Variants in SLFN12L observed in about 807,000 individuals in gnomAD.
SLFN12L encodes schlafen family member 12 like, also known as schlafen family member 12-like.
SLFN12L carries 34 observed loss-of-function variants against 34.8 expected under a neutral mutation model. The observed-to-expected ratio is 0.98, with a 90% CI of 0.74 to 1.30. The LOEUF (loss-of-function observed/expected upper bound fraction) is 1.30. SLFN12L is among the 50% of genes most tolerant of loss of function. The pLI is 0.00. For missense variants in SLFN12L, 703 were observed against 696.2 expected (o/e 1.01, Z -0.11); for synonymous variants, 259 against 247.5 (o/e 1.05, Z -0.44).
In SLFN12L at chr17:35,534,256, G is replaced by A. The variant is rs533200094; in HGVS notation, c.-606+3317C>T. Among the ~76,000 whole-genome samples the A allele has an allele frequency of 8.5e-5, 13 of 152,276 alleles. 1 individual carries two copies. The highest frequency in any genetic ancestry group is 3.1e-4 in the African/African-American group (13 of 41,540). ...ACATGCCTGCAGTCCCAGCTACTCG[G>A]GAGGCTGAGGCAGGAGAATCTCTTG... is the stretch of plus-strand genomic sequence containing the variant. On this transcript the variant is annotated intron_variant, in intron 1 of 4. Coordinates refer to ENST00000628453, the MANE Select transcript of SLFN12L (RefSeq NM_001363830.2).
intron 2 of SLFN12L, among the ~76,000 whole-genome samples, chr17:35,503,409 C>T (rs73281461): frequency 0.018 from 2,707 of 151,846 alleles, 91 homozygotes; most frequent in African/African-American, 0.062. Context: ...CCTAATGGTC[C>T]GACATTAAAA....
chr17:35,509,550 G>C (rs1031430267), intron 2 of SLFN12L, among the ~76,000 whole-genome samples: 6 of 152,216 alleles, frequency 3.9e-5, no homozygotes, highest in African/African-American at 1.4e-4. Flanking sequence ...TGAGCATTTG[G>C]GGGGAAAGCC....
chr17:35,475,087 C>T lies in SLFN12L; in HGVS notation c.1675G>A (p.Val559Ile). The T allele has an allele frequency of 6.2e-7, 1 of 1,614,076 alleles. No individual in the cohort carries two copies. The highest frequency in any genetic ancestry group is 1.1e-5 in the South Asian group (1 of 91,084). The change falls in exon 5 of 5, where the codon GTA becomes ATA. Residue 559 changes from valine to isoleucine, a missense_variant. Val to Ile is a conservative substitution (Grantham distance 29, BLOSUM62 3). Coordinates refer to ENST00000628453, the MANE Select transcript of SLFN12L (RefSeq NM_001363830.2). ...TSCQYDLNSQ[V>I]IYPESYYWTT... The stretch of plus-strand genomic sequence containing the variant: ...CAATAGTAGGATTCAGGGTAAATTA[C>T]TTGCGAGTTTAAATCATACTGGCAG...
At chr17:35,498,170 G>A (rs1215304597) in intron 2 of SLFN12L, 1 of 664,938 alleles carries the variant, frequency 1.5e-6, no homozygotes, top group East Asian at 2.7e-5. Context: ...ATCTCGATCC[G>A]GGAGGCGGCG....
chr17:35,520,572 C>T (rs527333755), intron 2 of SLFN12L, among the ~76,000 whole-genome samples: 5 of 152,068 alleles, frequency 3.3e-5, no homozygotes, highest in African/African-American at 9.7e-5. Context: ...TGGCAAAACC[C>T]GTACTCTATT....
rs1021011456 is a variant in SLFN12L, at chr17:35,475,280, C to T, written c.1482G>A (p.Lys494=). The T allele has an allele frequency of 6.2e-7, 1 of 1,614,180 alleles. No homozygotes were observed. The highest frequency in any genetic ancestry group is 2.2e-5 in the East Asian group (1 of 44,876). Reference sequence around the variant, plus strand: ...TGTGGAAGGTGTATAGGACTGGAGGCTTGTCCTGGGAAATCAGAAGAGCAT... The same window carrying T: ...TGTGGAAGGTGTATAGGACTGGAGGTTTGTCCTGGGAAATCAGAAGAGCAT... ...LCDALLISQD[K]PPVLYTFHMV... is the part of the protein sequence containing the mutation. The change falls in exon 5 of 5, where the codon AAG becomes AAA. Residue 494 remains lysine (K), a synonymous_variant. Coordinates refer to ENST00000628453, the MANE Select transcript of SLFN12L (RefSeq NM_001363830.2).
rs1913794660 is a variant in SLFN12L at position 35,470,809 on chromosome 17, C to T, written c.*4114G>A. 6.6e-6 allele frequency among the ~76,000 whole-genome samples: 1 copy of T among 151,860 alleles called. No homozygotes were observed. Among genetic ancestry groups the T allele is most frequent in the African/African-American group, 2.4e-5 (1 of 41,326 alleles). ...ACCCATCCTCTGAGTTCCCTCCCCT[C>T]ACTCTCCCCACCCCACAACAGGCCC... On this transcript the variant is annotated 3_prime_UTR_variant, in exon 5 of 5. Transcript: ENST00000628453.
chr17:35,517,534 A>C (rs1026345877), intron 2 of SLFN12L, among the ~76,000 whole-genome samples: 2 of 152,244 alleles, frequency 1.3e-5, no homozygotes, highest in African/African-American at 2.4e-5. Flanking sequence ...TCTTTGCAGA[A>C]TTAGAAAAAA....
rs200292758 is a variant in SLFN12L at position 35,475,209 on chromosome 17, T to C, written c.1553A>G (p.Gln518Arg). The C allele has an allele frequency of 2.5e-4, 400 of 1,614,112 alleles. 1 individual carries two copies. The highest frequency in any genetic ancestry group is 3.0e-4 in the Non-Finnish European group (353 of 1,180,058). ...TTTTGCCAGCTTCTGTTTTAAAGTTTGGGCAGTTTGTGTAGAATAGTCTTT... is the reference window on the plus strand; with the variant it reads ...TTTTGCCAGCTTCTGTTTTAAAGTTCGGGCAGTTTGTGTAGAATAGTCTTT... Reference protein sequence around the residue: ...EFKDYSTQTAQTLKQKLAKIG... With the variant: ...EFKDYSTQTARTLKQKLAKIG... The change falls in exon 5 of 5, where the codon CAA becomes CGA. Residue 518 changes from glutamine to arginine, a missense_variant. Physicochemically the swap from Gln to Arg is conservative, Grantham distance 43. Transcript: ENST00000628453.
In SLFN12L at chr17:35,471,282, G is replaced by A. The variant is rs974205099; in HGVS notation, c.*3641C>T. On this transcript the variant is annotated 3_prime_UTR_variant, in exon 5 of 5. Transcript: ENST00000628453. The stretch of plus-strand genomic sequence containing the variant: ...CTCCCAAGTAGCTGGGATTACAGAC[G>A]CCTACCACCACTCCCAGCTAATTCT... Among the ~76,000 whole-genome samples, 5 of 151,710 alleles carry A rather than the reference G, an allele frequency of 3.3e-5. No homozygotes were observed. In the East Asian group the frequency reaches 5.8e-4, roughly 18 times the overall value.
At chr17:35,476,513 GGAA>G (rs1914027416) in intron 4 of SLFN12L, among the ~76,000 whole-genome samples, 1 of 128,804 alleles carries the variant, frequency 7.8e-6, no homozygotes, top group African/African-American at 3.1e-5. Flanking sequence ...AAGGAAGGAA[GGAA>G]GGAAAGAAGG....
chr17:35,506,936 A>T (rs997603261), intron 2 of SLFN12L, among the ~76,000 whole-genome samples: 3 of 152,252 alleles, frequency 2.0e-5, no homozygotes. Flanking sequence ...CAAAAACTGT[A>T]TAATAGTACT....
intron 2 of SLFN12L, among the ~76,000 whole-genome samples, chr17:35,486,980 C>A (rs1306684364): frequency 2.0e-5 from 3 of 152,234 alleles, no homozygotes; most frequent in Non-Finnish European, 2.9e-5. Flanking sequence ...CTGCTTTCAC[C>A]CTTTCCCTCT....
At chr17:35,496,361 T>G (rs887912602) in intron 2 of SLFN12L, among the ~76,000 whole-genome samples, 2 of 152,126 alleles carry the variant, frequency 1.3e-5, no homozygotes, top group Non-Finnish European at 2.9e-5. Context: ...AAAAATAGAT[T>G]TCTTAAATGT....
chr17:35,517,863 G>T (rs1360417077), intron 2 of SLFN12L, among the ~76,000 whole-genome samples: 3 of 152,084 alleles, frequency 2.0e-5, no homozygotes, highest in Non-Finnish European at 4.4e-5. Flanking sequence ...AACAGAAACT[G>T]TACTCCTTCC....
In SLFN12L at chr17:35,479,888, C is replaced by A. The variant is rs1914248101; in HGVS notation, c.394G>T (p.Val132Phe). The A allele has an allele frequency of 2.5e-6, 4 of 1,611,306 alleles. No homozygotes were observed. The highest frequency in any genetic ancestry group is 3.4e-6 in the Non-Finnish European group (4 of 1,178,456). The change falls in exon 3 of 5, where the codon GTT becomes TTT. Residue 132 changes from valine (V) to phenylalanine (F), a missense_variant. By Grantham distance (50) the Val-to-Phe change is conservative (BLOSUM62 -1). Transcript: ENST00000628453. ...ENSFSNMLPF[V>F]PNFLDFMQNG... ...TGCATGAAGTCCAGGAAATTAGGAA[C>A]AAATGGCAGCATGTTACTAAAAGAA...
chr17:35,535,654 CT>C (rs2072453758), intron 1 of SLFN12L, among the ~76,000 whole-genome samples: 1 of 151,594 alleles, frequency 6.6e-6, no homozygotes, highest in Non-Finnish European at 1.5e-5. Context: ...GCCTGGCTAG[CT>C]TTTTTTGTTT....
chr17:35,482,904 A>T (rs1408538037), intron 2 of SLFN12L, among the ~76,000 whole-genome samples: 1 of 152,078 alleles, frequency 6.6e-6, no homozygotes, highest in African/African-American at 2.4e-5. Flanking sequence ...AATGGCACAC[A>T]CTTCCTCCCC....
At chr17:35,513,449 T>C (rs552740856) in intron 2 of SLFN12L, among the ~76,000 whole-genome samples, 13 of 152,346 alleles carry the variant, frequency 8.5e-5, no homozygotes, top group South Asian at 2.1e-4. Flanking sequence ...AGGAAAAGTC[T>C]TTGGGATCTC....
Sources: allele counts gnomAD v4.1 joint callset (sites outside exome capture counted in the v4.1 genomes callset), GRCh38; gene constraint gnomAD v4.1.1; transcripts MANE v1.5; gene names NCBI Gene and HGNC (gene_info 2026-07-23, HGNC 2026-07-21).